TRA2B: variants seen among roughly 807,000 people sequenced by gnomAD.
The protein encoded by TRA2B is transformer-2 protein homolog beta.
Under a neutral mutation model 41.7 loss-of-function variants are expected in TRA2B, and 14 were observed. The observed-to-expected ratio is 0.34, with a 90% CI of 0.22 to 0.53. TRA2B has a LOEUF of 0.53. TRA2B is among the 20% of genes least tolerant of loss of function. The pLI is 0.95. For missense variants in TRA2B, 167 were observed against 396.8 expected, an observed-to-expected ratio of 0.42 and a Z score of 4.92; for synonymous variants, 130 against 128.8, an observed-to-expected ratio of 1.01 and a Z score of -0.06.
At chr3:185,933,586 G>A (rs1040813893) in intron 1 of TRA2B, among the ~76,000 whole-genome samples, 2 of 152,006 alleles carry the variant, frequency 1.3e-5, no homozygotes, top group African/African-American at 4.8e-5. Flanking sequence ...GAGGGACAGG[G>A]GCAAAGAAAA....
chr3:185,915,531 G>C lies in TRA2B; in HGVS notation c.*2184C>G, dbSNP rs188452392. Among the ~76,000 whole-genome samples, 3 of 152,268 alleles carry C rather than the reference G, an allele frequency of 2.0e-5. No homozygotes were observed. Among genetic ancestry groups the C allele is most frequent in the African/African-American group, 7.2e-5 (3 of 41,538 alleles). On this transcript the variant is annotated 3_prime_UTR_variant, in exon 9 of 9. Transcript: ENST00000453386. The stretch of plus-strand genomic sequence containing the variant: ...CGACTAGCATTACAGCACATCAAAA[G>C]ACTACCACTTTGTCTCACTACTTCT...
At chr3:185,921,374 T>C (rs1743727558) in intron 5 of TRA2B, among the ~76,000 whole-genome samples, 187 bp from the exon 6 acceptor site, 1 of 152,208 alleles carries the variant, frequency 6.6e-6, no homozygotes, top group Non-Finnish European at 1.5e-5. Flanking sequence ...TTTTTAAAAA[T>C]CTTTGGTTAA....
Position 185,923,784 on chromosome 3 carries a change from G to GCTGA in TRA2B, c.522+11_522+12insTCAG, listed in dbSNP as rs753911238. ...GAACTGATGGTTTACAAAGGAACGG[G>GCTGA]CTTTTACTTACTTCCTTGGCATCAT... On this transcript the variant is annotated intron_variant, in intron 4 of 8. Coordinates refer to ENST00000453386, the MANE Select transcript of TRA2B (RefSeq NM_004593.3). 19 of 1,600,288 alleles carry GCTGA rather than the reference G, an allele frequency of 1.2e-5. No homozygotes were observed. The African/African-American group carries it at 2.4e-4, about 20-fold the overall frequency.
At chr3:185,936,993 G>C in intron 1 of TRA2B, 1 of 985,324 alleles carries the variant, frequency 1.0e-6, no homozygotes, top group Non-Finnish European at 1.2e-6. Context: ...CAAAACAAAG[G>C]AAATAACGGC....
At chr3:185,919,595 A>G (rs940139938) in intron 6 of TRA2B, 99 bp from the exon 7 acceptor site, 4 of 962,248 alleles carry the variant, frequency 4.2e-6, no homozygotes, top group Non-Finnish European at 6.0e-6. Flanking sequence ...TAGAGCATGA[A>G]TGAGATGTTT....
In TRA2B at chr3:185,918,285, A is replaced by G. The variant is rs1461584227; in HGVS notation, c.856+80T>C. 4 of 1,046,244 alleles carry G rather than the reference A, an allele frequency of 3.8e-6. No homozygotes were observed. The Admixed American group carries it at 7.9e-5, about 21-fold the overall frequency. 64.8% of individuals were successfully genotyped at this position (1,046,244 alleles called of 1,614,324 possible). ...GTATGAAACTACCTGAAACCAATCCATTATCTGATAAAGGGAATACACTGT... is the reference window on the plus strand; with the variant it reads ...GTATGAAACTACCTGAAACCAATCCGTTATCTGATAAAGGGAATACACTGT... On this transcript the variant is annotated intron_variant, in intron 8 of 8. Transcript: ENST00000453386.
intron 1 of TRA2B, chr3:185,935,286 T>G: frequency 1.0e-6 from 1 of 985,440 alleles, no homozygotes; most frequent in Non-Finnish European, 1.2e-6. Flanking sequence ...CAGATCAGGT[T>G]AAGCCTGCTA....
At chr3:185,923,608 T>C (rs534056005) in intron 4 of TRA2B, 188 bp downstream of exon 4, 11 of 465,016 alleles carry the variant, frequency 2.4e-5, no homozygotes, top group Non-Finnish European at 3.7e-5. Context: ...AAGCAGGTGG[T>C]AGGACCAACT....
rs964051311 is a variant in TRA2B at position 185,915,779 on chromosome 3, G to A, written c.*1936C>T. ...AGGATAGAAACCGAGGGTTATGTTC[G>A]AGATTATCAGGAGTGTGAACTCGCA... On this transcript the variant is annotated 3_prime_UTR_variant, in exon 9 of 9. Transcript: ENST00000453386. 2.6e-5 allele frequency: 4 copies of A among 152,166 alleles called. No homozygotes were observed. The highest frequency in any genetic ancestry group is 5.9e-5 in the Non-Finnish European group (4 of 68,022). The allele number at this position is 152,166 out of a possible 1,614,324, so 9.4% of individuals were successfully genotyped here.
chr3:185,917,837 A>T, intron 8 of TRA2B, 112 bp from the exon 9 acceptor site: 1 of 1,065,170 alleles, frequency 9.4e-7, no homozygotes, highest in Non-Finnish European at 1.4e-6. Context: ...TATGTGCCAG[A>T]ACCCCACCAC....
Position 185,915,815 on chromosome 3 carries a change from TAA to T in TRA2B, c.*1898_*1899del, listed in dbSNP as rs1743481001. 1 of 152,182 alleles carries T rather than the reference TAA, an allele frequency of 6.6e-6. No homozygotes were observed. The highest frequency in any genetic ancestry group is 2.1e-4 in the South Asian group (1 of 4,822). 9.4% of individuals were successfully genotyped at this position (152,182 alleles called of 1,614,324 possible). ...GAGTGTGAACTCGCAAGCCATCAGT[TAA>T]CTGATGGGGAGAGGTTTGGTTGGGG... On this transcript the variant is annotated 3_prime_UTR_variant, in exon 9 of 9. Transcript: ENST00000453386.
In TRA2B at chr3:185,937,774, G is replaced by C. The variant is rs1744427290; in HGVS notation, c.36+51C>G. 1.9e-6 allele frequency: 3 copies of C among 1,612,996 alleles called. No individual in the cohort carries two copies. The Admixed American group carries it at 5.0e-5, about 27-fold the overall frequency. ...CCCGAGGCCGACGGGCCTAGAAAAA[G>C]ATGCAAGGAGCTAGGACCACACAGC... On this transcript the variant is annotated intron_variant, in intron 1 of 8. Coordinates refer to ENST00000453386, the MANE Select transcript of TRA2B (RefSeq NM_004593.3).
At chr3:185,932,357 T>C (rs1001714045) in intron 1 of TRA2B, among the ~76,000 whole-genome samples, 1 of 152,160 alleles carries the variant, frequency 6.6e-6, no homozygotes, top group African/African-American at 2.4e-5. Flanking sequence ...CACATTTTTG[T>C]ACTGTATTTA....
chr3:185,926,964 T>C, intron 1 of TRA2B: 1 of 456,538 alleles, frequency 2.2e-6, no homozygotes, highest in Non-Finnish European at 3.9e-6. Context: ...ATAAGAGTTA[T>C]TTGACCCCAC....
At chr3:185,937,448 C>T in intron 1 of TRA2B, 1 of 1,042,324 alleles carries the variant, frequency 9.6e-7, no homozygotes, top group Non-Finnish European at 1.2e-6. Context: ...TGGCAGCTCG[C>T]CCAGCCCGCC....
chr3:185,926,559 G>A (rs1458458535), intron 2 of TRA2B, 42 bp downstream of exon 2: 1 of 1,610,134 alleles, frequency 6.2e-7, no homozygotes, highest in Non-Finnish European at 8.5e-7. Context: ...ACCAATTTCA[G>A]AGCTAAGAGT....
At position 185,937,455 on chromosome 3, in the gene TRA2B, C is replaced by A. The variant is rs765748454; in HGVS notation, c.36+370G>T. ...TGTGCCTCTGGCAGCTCGCCCAGCC[C>A]GCCAGCCCAAGATGGCTGCGGCGGA... is the stretch of plus-strand genomic sequence containing the variant. On this transcript the variant is annotated intron_variant, in intron 1 of 8. Coordinates refer to ENST00000453386, the MANE Select transcript of TRA2B (RefSeq NM_004593.3). The A allele has an allele frequency of 1.0e-3, 1,060 of 1,048,642 alleles. 1 individual carries two copies. The highest frequency in any genetic ancestry group is 1.2e-3 in the Non-Finnish European group (1,021 of 870,558). 65.0% of individuals were successfully genotyped at this position (1,048,642 alleles called of 1,614,324 possible). A position where few individuals can be genotyped will look rare whatever the true frequency, so the allele number is the denominator to read the frequency against.
In TRA2B at chr3:185,925,597, T is replaced by C. The variant is rs1435908576; in HGVS notation, c.200A>G (p.His67Arg). The C allele has an allele frequency of 6.2e-7, 1 of 1,614,036 alleles. No homozygotes were observed. The highest frequency in any genetic ancestry group is 8.5e-7 in the Non-Finnish European group (1 of 1,179,976). ...GGAGCGAGACCGTGACCGGGTATAA[T>C]GCCTTCGGGAGCTTCTTCTGGATCT... ...RSRSRRSSRRHYTRSRSRSRS... is the reference protein window; with the variant it reads ...RSRSRRSSRRRYTRSRSRSRS... Residue 67 changes from histidine to arginine, a missense_variant, in exon 3 of 9, where the codon CAT (histidine) becomes CGT (arginine). Physicochemically the swap from His to Arg is conservative, Grantham distance 29. Transcript: ENST00000453386.
chr3:185,924,122 T>C, intron 3 of TRA2B, 138 bp from the exon 4 acceptor site: 1 of 632,456 alleles, frequency 1.6e-6, no homozygotes, highest in Non-Finnish European at 2.4e-6. Context: ...GCTTAGAAAT[T>C]ACAAAATTAC....
Sources: gnomAD v4.1 joint callset for allele counts (sites outside exome capture counted in the v4.1 genomes callset) on GRCh38, gnomAD v4.1.1 for gene constraint, MANE v1.5 for transcripts, NCBI Gene and HGNC (gene_info 2026-07-23, HGNC 2026-07-21) for gene names.